RBFOX1: variants seen among roughly 807,000 people sequenced by gnomAD.
The protein encoded by RBFOX1 is RNA binding protein fox-1 homolog 1.
A neutral mutation model predicts 57.7 loss-of-function variants in RBFOX1; 8 were observed. The observed-to-expected ratio is 0.14, with a 90% confidence interval of 0.08 to 0.25. The LOEUF (loss-of-function observed/expected upper bound fraction) is 0.25, where lower values mean the gene tolerates loss of function less well. Ranked by LOEUF, RBFOX1 falls within the 10% of genes least tolerant of loss-of-function variation. The pLI is 1.00. For synonymous variants in RBFOX1, 326 were observed against 222.4 expected (o/e 1.47, Z -4.15); for missense variants, 611 against 548.5 (o/e 1.11, Z -1.14).
chr16:7,513,273 A>C (rs1157760816), intron 4 of RBFOX1, among the ~76,000 whole-genome samples: 1 of 17,684 alleles, frequency 5.7e-5, no homozygotes, highest in Non-Finnish European at 5.3e-4. Flanking sequence ...CAAAAAAATA[A>C]AAATAAAAAT....
intron 4 of RBFOX1, among the ~76,000 whole-genome samples, chr16:5,904,013 G>T (rs1024446403): frequency 6.6e-6 from 1 of 152,144 alleles, no homozygotes; most frequent in Non-Finnish European, 1.5e-5. Context: ...GAATGTAATT[G>T]GCAGAAGGTC....
At chr16:7,196,646 C>T (rs1175208259) in intron 4 of RBFOX1, among the ~76,000 whole-genome samples, 1 of 152,126 alleles carries the variant, frequency 6.6e-6, no homozygotes, top group Non-Finnish European at 1.5e-5. Context: ...TGTAGTTAGG[C>T]AAAGGAGACA....
At chr16:5,267,899 T>C (rs1567256732) in intron 1 of RBFOX1, among the ~76,000 whole-genome samples, 1 of 152,076 alleles carries the variant, frequency 6.6e-6, no homozygotes, top group African/African-American at 2.4e-5. Context: ...CTGGCCAACA[T>C]GATGAAACAT....
intron 4 of RBFOX1, among the ~76,000 whole-genome samples, chr16:5,915,538 T>G (rs939848449): frequency 1.3e-5 from 2 of 152,028 alleles, no homozygotes; most frequent in Admixed American, 6.6e-5. Flanking sequence ...TCAGAGAAGT[T>G]TATAGAAGAC....
chr16:6,635,703 A>T (rs1276415344), intron 2 of RBFOX1, among the ~76,000 whole-genome samples: 1 of 152,174 alleles, frequency 6.6e-6, no homozygotes, highest in Non-Finnish European at 1.5e-5. Flanking sequence ...ATTCAAAATT[A>T]TTTTTGGAAA....
chr16:6,753,039 T>C (rs1043275377), intron 3 of RBFOX1, among the ~76,000 whole-genome samples: 4 of 151,724 alleles, frequency 2.6e-5, no homozygotes, highest in African/African-American at 9.7e-5. Context: ...TTGTAACTTT[T>C]TCATAGTGGT....
chr16:6,821,994 A>G (rs2091390163), intron 3 of RBFOX1, among the ~76,000 whole-genome samples: 1 of 152,166 alleles, frequency 6.6e-6, no homozygotes, highest in Non-Finnish European at 1.5e-5. Flanking sequence ...TACTTCGCTG[A>G]CATACCTTCT....
intron 2 of RBFOX1, among the ~76,000 whole-genome samples, chr16:6,579,421 C>T (rs1354688358): frequency 1.3e-5 from 2 of 152,038 alleles, no homozygotes; most frequent in Admixed American, 1.3e-4. Flanking sequence ...TTGTAGTTCC[C>T]ATAATCCCCA....
chr16:5,693,072 C>A (rs566546216), intron 3 of RBFOX1, among the ~76,000 whole-genome samples: 2 of 152,272 alleles, frequency 1.3e-5, no homozygotes, highest in South Asian at 4.1e-4. Flanking sequence ...CCCGAGAAGG[C>A]AGTATTCTGG....
At chr16:6,759,149 C>CTTTTTTTT (rs55903030) in intron 3 of RBFOX1, among the ~76,000 whole-genome samples, 4 of 147,216 alleles carry the variant, frequency 2.7e-5, no homozygotes, top group Non-Finnish European at 4.5e-5. Flanking sequence ...CTTATCAATT[C>CTTTTTTTT]TTTTTTTTTT....
intron 4 of RBFOX1, among the ~76,000 whole-genome samples, chr16:7,277,755 A>C (rs2095468748): frequency 6.6e-6 from 1 of 152,174 alleles, no homozygotes. Context: ...TCAGCATAGC[A>C]TGAGGAAGTT....
At chr16:7,173,036 T>C (rs1482835764) in intron 4 of RBFOX1, among the ~76,000 whole-genome samples, 1 of 152,160 alleles carries the variant, frequency 6.6e-6, no homozygotes, top group Non-Finnish European at 1.5e-5. Context: ...AATTTCCTGG[T>C]AGAAATAAGA....
At chr16:6,886,733 C>T (rs1283607819) in intron 3 of RBFOX1, among the ~76,000 whole-genome samples, 1 of 147,144 alleles carries the variant, frequency 6.8e-6, no homozygotes, top group Non-Finnish European at 1.5e-5. Context: ...CCAGCGTGGG[C>T]AAGCAAGTGA....
chr16:6,240,911 T>C (rs1377141212), intron 1 of RBFOX1, among the ~76,000 whole-genome samples: 1 of 152,232 alleles, frequency 6.6e-6, no homozygotes, highest in African/African-American at 2.4e-5. Context: ...CTCTCCCTGT[T>C]CACTGTACTC....
intron 4 of RBFOX1, among the ~76,000 whole-genome samples, chr16:5,945,076 G>C (rs912933168): frequency 6.6e-6 from 1 of 151,426 alleles, no homozygotes; most frequent in Non-Finnish European, 1.5e-5. Flanking sequence ...CTCTATGTAG[G>C]TTTAAGGGCT....
At chr16:6,836,550 A>G (rs1451341084) in intron 3 of RBFOX1, among the ~76,000 whole-genome samples, 2 of 152,156 alleles carry the variant, frequency 1.3e-5, no homozygotes, top group Non-Finnish European at 2.9e-5. Flanking sequence ...GACACCTTCA[A>G]ATGGGAACCT....
chr16:5,946,459 A>G lies in RBFOX1; in HGVS notation c.351+79124A>G, dbSNP rs950557678. ...CAGAGCCATGAACAGCTCAGCCAAGATCTCTGCTCTCATGGAATGGGAGTG... is the reference window on the plus strand; with the variant it reads ...CAGAGCCATGAACAGCTCAGCCAAGGTCTCTGCTCTCATGGAATGGGAGTG... On this transcript the variant is annotated intron_variant, in intron 4 of 19. Transcript: ENST00000641259. This position sits in a 1 kb window ranked among gnomAD's most constrained non-coding sequence, Gnocchi z 4.6. Among the ~76,000 whole-genome samples the G allele has an allele frequency of 5.3e-5, 8 of 152,032 alleles. No homozygotes were observed. Among genetic ancestry groups the G allele is most frequent in the Admixed American group, 1.3e-4 (2 of 15,262 alleles).
chr16:6,253,547 C>T (rs866737738), intron 1 of RBFOX1, among the ~76,000 whole-genome samples: 4 of 152,050 alleles, frequency 2.6e-5, no homozygotes, highest in African/African-American at 7.2e-5. Context: ...TTTATAACCA[C>T]ACACTCTTTT....
intron 4 of RBFOX1, among the ~76,000 whole-genome samples, chr16:7,154,563 T>A (rs2076711569): frequency 6.6e-6 from 1 of 152,188 alleles, no homozygotes; most frequent in African/African-American, 2.4e-5. Flanking sequence ...TTCCTCTTGT[T>A]AAAACTATTT....
Sources: allele counts gnomAD v4.1 joint callset (sites outside exome capture counted in the v4.1 genomes callset), GRCh38; gene constraint gnomAD v4.1.1; non-coding constraint Gnocchi (gnomAD v3.1); transcripts MANE v1.5; gene names NCBI Gene and HGNC (gene_info 2026-07-23, HGNC 2026-07-21).